The following EXOC2 variants were observed in gnomAD, a reference collection of about 807,000 sequenced individuals.
EXOC2 encodes SEC5-like 1.
A neutral mutation model predicts 131.8 loss-of-function variants in EXOC2; 70 were observed. The ratio of observed to expected loss-of-function variants is 0.53; its 90% CI spans 0.44 to 0.65. The LOEUF (loss-of-function observed/expected upper bound fraction) is 0.65. Ranked by LOEUF, EXOC2 falls within the 30% of genes least tolerant of loss-of-function variation. The pLI, the probability that EXOC2 is intolerant of heterozygous loss-of-function variation, is 0.00. For missense variants in EXOC2, 923 were observed against 1,108.6 expected, an observed-to-expected ratio of 0.83 and a Z score of 2.38; for synonymous variants, 411 against 398.4, an observed-to-expected ratio of 1.03 and a Z score of -0.38.
At chr6:611,866 T>G (rs562075194) in intron 6 of EXOC2, among the ~76,000 whole-genome samples, 4 of 152,344 alleles carry the variant, frequency 2.6e-5, no homozygotes, top group Non-Finnish European at 5.9e-5. Context: ...TGTACAACAG[T>G]ACTTCTCAAA....
chr6:564,109 C>T lies in EXOC2; in HGVS notation c.1713G>A (p.Leu571=), dbSNP rs776957847. 3 of 1,614,010 alleles carry T rather than the reference C, an allele frequency of 1.9e-6. No homozygotes were observed. Among genetic ancestry groups the T allele is most frequent in the African/African-American group, 2.7e-5 (2 of 74,912 alleles). ...AGATGAGATCCTGGATAGTCTGTAACAGGTCATTAGGAATTTCAAGGGCAG... is the reference window on the plus strand; with the variant it reads ...AGATGAGATCCTGGATAGTCTGTAATAGGTCATTAGGAATTTCAAGGGCAG... ...SLTALEIPND[L]LQTIQDLILD... The change falls in exon 16 of 28, where the codon CTG becomes CTA. Residue 571 remains leucine, a synonymous_variant. Transcript: ENST00000230449.
chr6:501,277 T>G (rs529494673), intron 23 of EXOC2, among the ~76,000 whole-genome samples: 2 of 10,614 alleles, frequency 1.9e-4, no homozygotes, highest in African/African-American at 5.9e-4. Context: ...ATTATATATA[T>G]CTATATATAT....
intron 1 of EXOC2, among the ~76,000 whole-genome samples, chr6:660,177 TC>T (rs200433025): frequency 0.06 from 974 of 16,230 alleles, 8 homozygotes; most frequent in African/African-American, 0.18. Flanking sequence ...GACCCACCCA[TC>T]CCCCCCAACC....
At chr6:518,007 A>C (rs1001095259) in intron 23 of EXOC2, among the ~76,000 whole-genome samples, 6 of 152,254 alleles carry the variant, frequency 3.9e-5, no homozygotes, top group African/African-American at 1.4e-4. Context: ...ATTAAGAGAC[A>C]TATCAACCAA....
chr6:656,283 CTG>C, intron 1 of EXOC2: 1 of 1,614,232 alleles, frequency 6.2e-7, no homozygotes, highest in Non-Finnish European at 8.5e-7. Context: ...CTCCAGGTCT[CTG>C]TTTTCAGGCA....
chr6:680,595 G>A (rs1487074957), intron 1 of EXOC2, among the ~76,000 whole-genome samples: 3 of 152,194 alleles, frequency 2.0e-5, no homozygotes, highest in Non-Finnish European at 4.4e-5. Context: ...CTGCAGGGCA[G>A]CTGCTGGCTG....
At chr6:509,245 T>A (rs970100399) in intron 23 of EXOC2, among the ~76,000 whole-genome samples, 4 of 152,204 alleles carry the variant, frequency 2.6e-5, no homozygotes. Flanking sequence ...TGCCTTTCAA[T>A]TTACTACCAT....
chr6:558,008 C>T (rs1375664299), intron 17 of EXOC2, among the ~76,000 whole-genome samples: 1 of 152,058 alleles, frequency 6.6e-6, no homozygotes, highest in Non-Finnish European at 1.5e-5. Flanking sequence ...GGTAGGCGGC[C>T]GGGCTTCATC....
At chr6:594,174 T>G (rs1183922665) in intron 10 of EXOC2, among the ~76,000 whole-genome samples, 1 of 152,232 alleles carries the variant, frequency 6.6e-6, no homozygotes, top group Non-Finnish European at 1.5e-5. Context: ...GAGAATAGTA[T>G]CCTGAGAAGA....
chr6:667,215 T>A (rs1390139898), intron 1 of EXOC2, among the ~76,000 whole-genome samples: 1 of 59,960 alleles, frequency 1.7e-5, no homozygotes, highest in Non-Finnish European at 4.0e-5. Flanking sequence ...TACATCATTA[T>A]CACTGTTGTT....
chr6:689,095 G>C (rs541743432), intron 1 of EXOC2: 1 of 152,158 alleles, frequency 6.6e-6, no homozygotes, highest in Non-Finnish European at 1.5e-5. Flanking sequence ...AGATGTGCCG[G>C]GCACTAGTCT....
chr6:670,055 C>G (rs560649361), intron 1 of EXOC2: 1 of 152,278 alleles, frequency 6.6e-6, no homozygotes, highest in Non-Finnish European at 1.5e-5. Flanking sequence ...ACCTGATGAT[C>G]ACCGACCACT....
Position 576,761 on chromosome 6 carries a change from G to A in EXOC2, c.1314C>T (p.Asp438=), listed in dbSNP as rs758138811. 38 of 1,613,510 alleles carry A rather than the reference G, an allele frequency of 2.4e-5. No individual in the cohort carries two copies. In the Middle Eastern group the frequency reaches 6.6e-4, roughly 28 times the overall value. Residue 438 remains aspartate, a synonymous_variant, in exon 12 of 28, where the codon GAC becomes GAT. Transcript: ENST00000230449. ...GCAGTGGAGGGAGATACTTACTGTC[G>A]TCTCGACCAGACTGAAAGCTGCTGC... ...KRGSSFQSGR[D]DTWRYKTPHR... is the part of the protein sequence containing the mutation.
At chr6:582,493 C>T (rs1326394262) in intron 11 of EXOC2, among the ~76,000 whole-genome samples, 2 of 152,066 alleles carry the variant, frequency 1.3e-5, no homozygotes, top group South Asian at 2.1e-4. Context: ...CACAGCGGGC[C>T]GTTGTCCTGC....
chr6:527,076 T>A (rs1336445759), intron 23 of EXOC2, among the ~76,000 whole-genome samples: 2 of 152,248 alleles, frequency 1.3e-5, no homozygotes, highest in African/African-American at 2.4e-5. Context: ...GTATAAGGAA[T>A]ATATGTATAA....
intron 23 of EXOC2, among the ~76,000 whole-genome samples, chr6:521,843 A>G (rs1212102686): frequency 6.6e-6 from 1 of 152,182 alleles, no homozygotes; most frequent in Non-Finnish European, 1.5e-5. Context: ...TTCTTTGTAA[A>G]TGGGGTGTCC....
intron 25 of EXOC2, among the ~76,000 whole-genome samples, chr6:496,206 G>A (rs1343579763): frequency 6.6e-6 from 1 of 152,114 alleles, no homozygotes; most frequent in East Asian, 1.9e-4. Context: ...AGGTGATCAT[G>A]TTTTGTATTA....
At chr6:579,625 C>T (rs1363798796) in intron 11 of EXOC2, among the ~76,000 whole-genome samples, 2 of 152,244 alleles carry the variant, frequency 1.3e-5, no homozygotes, top group Non-Finnish European at 2.9e-5. Flanking sequence ...CTCTCCCTAA[C>T]ACTCGTACTT....
chr6:505,119 A>G (rs1439956115), intron 23 of EXOC2, among the ~76,000 whole-genome samples: 1 of 151,972 alleles, frequency 6.6e-6, no homozygotes, highest in Non-Finnish European at 1.5e-5. Flanking sequence ...GAGTTTGCAT[A>G]TAGGAACACA....
Sources: allele counts gnomAD v4.1 joint callset (sites outside exome capture counted in the v4.1 genomes callset), GRCh38; gene constraint gnomAD v4.1.1; transcripts MANE v1.5; gene names NCBI Gene and HGNC (gene_info 2026-07-23, HGNC 2026-07-21).